The following LINGO2 variants were observed in gnomAD, a reference collection of about 807,000 sequenced individuals.
LINGO2 encodes the protein leucine rich repeat and Ig domain containing 2.
Under a neutral mutation model 30.6 loss-of-function variants are expected in LINGO2, and 14 were observed. The observed-to-expected ratio is 0.46, with a 90% CI of 0.30 to 0.72. LINGO2 has a LOEUF of 0.72. Among genes scored for constraint, LINGO2 ranks in the 30% least tolerant of loss-of-function variants. The pLI, the probability that LINGO2 is intolerant of heterozygous loss-of-function variation, is 0.07. For missense variants in LINGO2, 729 were observed against 751.7 expected (o/e 0.97, Z 0.35); for synonymous variants, 317 against 288.5 (o/e 1.10, Z -1.00).
chr9:28,302,807 T>C (rs370617577), intron 3 of LINGO2, among the ~76,000 whole-genome samples: 162 of 152,324 alleles, frequency 1.1e-3, no homozygotes, highest in Middle Eastern at 0.01. Context: ...GTGTGTCACA[T>C]TGTATGCTTT....
the LINGO2 span, among the ~76,000 whole-genome samples, chr9:28,730,293 A>G: frequency 2.6e-5 from 4 of 152,182 alleles, no homozygotes; most frequent in Non-Finnish European, 4.4e-5. Flanking sequence ...AGCAATCCAG[A>G]TGCAGGAATG....
the LINGO2 span, among the ~76,000 whole-genome samples, chr9:28,689,609 G>A: frequency 6.6e-6 from 1 of 152,102 alleles, no homozygotes; most frequent in Non-Finnish European, 1.5e-5. Context: ...ACTGTTAGTG[G>A]GGTGTAAATT....
At position 28,300,139 on chromosome 9, in the gene LINGO2, AAAAAC is replaced by A. The variant is rs1564105612; in HGVS notation, c.-245-4778_-245-4774del. 3.3e-5 allele frequency among the ~76,000 whole-genome samples: 5 copies of A among 151,754 alleles called. No individual in the cohort carries two copies. The South Asian group carries it at 8.3e-4, about 25-fold the overall frequency. ...ATTTTTCTAATGGAAAAAAAAAAAA[AAAAAC>A]AAAGACACAAAGAGAAGACTGTGTT... On this transcript the variant is annotated intron_variant, in intron 3 of 5. Coordinates refer to ENST00000379992, the Ensembl canonical transcript of LINGO2.
chr9:29,202,000 T>C, the LINGO2 span, among the ~76,000 whole-genome samples: 2 of 152,158 alleles, frequency 1.3e-5, no homozygotes, highest in East Asian at 3.9e-4. Context: ...GGAAACAGTA[T>C]TACTATGGTT....
At chr9:28,065,638 C>CT (rs1157821101) in intron 4 of LINGO2, among the ~76,000 whole-genome samples, 4 of 152,064 alleles carry the variant, frequency 2.6e-5, no homozygotes, top group South Asian at 2.1e-4. Flanking sequence ...ATAAGTGAAA[C>CT]TCCTCCATGA....
chr9:28,095,784 C>T (rs1052656651), intron 4 of LINGO2, among the ~76,000 whole-genome samples: 13 of 152,106 alleles, frequency 8.5e-5, no homozygotes, highest in Middle Eastern at 3.4e-3. Context: ...ACCTACAAAA[C>T]GGGAGAAAAT....
At chr9:29,190,836 C>G in the LINGO2 span, among the ~76,000 whole-genome samples, 1 of 152,106 alleles carries the variant, frequency 6.6e-6, no homozygotes, top group South Asian at 2.1e-4. Flanking sequence ...GGCATTGTCT[C>G]CAATTTTAAT....
chr9:28,584,927 CAAGAG>C (rs1824455694), intron 1 of LINGO2, among the ~76,000 whole-genome samples: 2 of 6,864 alleles, frequency 2.9e-4, no homozygotes, highest in East Asian at 0.011. Flanking sequence ...ACTGTGACTG[CAAGAG>C]ATTTTTTTTT....
At chr9:28,614,549 A>G (rs1472229285) in intron 1 of LINGO2, among the ~76,000 whole-genome samples, 2 of 152,146 alleles carry the variant, frequency 1.3e-5, no homozygotes, top group Non-Finnish European at 2.9e-5. Flanking sequence ...TCCATGAAAT[A>G]AGTTGATAGT....
At chr9:29,206,524 C>T in the LINGO2 span, among the ~76,000 whole-genome samples, 1 of 152,086 alleles carries the variant, frequency 6.6e-6, no homozygotes, top group African/African-American at 2.4e-5. Flanking sequence ...TTATTGTTTA[C>T]TTTTACAGTG....
chr9:28,481,565 T>C (rs1825964082), intron 1 of LINGO2, among the ~76,000 whole-genome samples: 1 of 152,078 alleles, frequency 6.6e-6, no homozygotes, highest in South Asian at 2.1e-4. Flanking sequence ...CCTCTATTAC[T>C]TTCAACTGGA....
rs112842429 is a variant in LINGO2 at position 28,615,538 on chromosome 9, C to T, written c.-365+54662G>A. Among the ~76,000 whole-genome samples, 14 of 151,832 alleles carry T rather than the reference C, an allele frequency of 9.2e-5. 1 individual carries two copies. The highest frequency in any genetic ancestry group is 2.1e-4 in the South Asian group (1 of 4,806). The stretch of plus-strand genomic sequence containing the variant: ...AGAAGAAATGTTAAATCATTGAATC[C>T]GTAATATACAAAATTATTATAAATA... On this transcript the variant is annotated intron_variant, in intron 1 of 5. Transcript: ENST00000379992.
chr9:28,760,930 G>A, the LINGO2 span, among the ~76,000 whole-genome samples: 67,306 of 114,066 alleles, frequency 0.59, 17,518 homozygotes, highest in Non-Finnish European at 0.68. Context: ...GTGTGTGTGT[G>A]TGTATATATA....
chr9:28,132,099 A>G (rs1293072795), intron 4 of LINGO2, among the ~76,000 whole-genome samples: 1 of 152,212 alleles, frequency 6.6e-6, no homozygotes, highest in Admixed American at 6.5e-5. Flanking sequence ...GTTCAAAGCT[A>G]AATATGCAGC....
the LINGO2 span, among the ~76,000 whole-genome samples, chr9:28,852,074 T>C: frequency 6.6e-6 from 1 of 151,932 alleles, no homozygotes; most frequent in Non-Finnish European, 1.5e-5. Context: ...TAAAAGTACC[T>C]GTACAACATC....
chr9:28,530,153 T>C (rs891393243), intron 1 of LINGO2, among the ~76,000 whole-genome samples: 5 of 151,980 alleles, frequency 3.3e-5, no homozygotes, highest in Non-Finnish European at 7.4e-5. Flanking sequence ...GAAGGTGGCA[T>C]ATGAGATGAG....
At chr9:28,859,473 A>C in the LINGO2 span, among the ~76,000 whole-genome samples, 8 of 152,106 alleles carry the variant, frequency 5.3e-5, no homozygotes, top group Non-Finnish European at 8.8e-5. Context: ...TTTAAAACTC[A>C]GATTCCTCAT....
At chr9:28,237,386 A>G (rs1821612179) in intron 4 of LINGO2, among the ~76,000 whole-genome samples, 1 of 152,148 alleles carries the variant, frequency 6.6e-6, no homozygotes, top group South Asian at 2.1e-4. Flanking sequence ...AAGGAAGAGA[A>G]GACCACAAAA....
At chr9:28,775,877 T>G in the LINGO2 span, among the ~76,000 whole-genome samples, 1 of 152,188 alleles carries the variant, frequency 6.6e-6, no homozygotes, top group Admixed American at 6.5e-5. Context: ...ACCCTAGTGG[T>G]GACATCTTTA....
Sources: allele counts gnomAD v4.1 joint callset (sites outside exome capture counted in the v4.1 genomes callset), GRCh38; gene constraint gnomAD v4.1.1; transcripts MANE v1.5; gene names NCBI Gene and HGNC (gene_info 2026-07-23, HGNC 2026-07-21).